TTN: variants seen among roughly 807,000 people sequenced by gnomAD.
The protein encoded by TTN is connectin.
A neutral mutation model predicts 3,223.0 loss-of-function variants in TTN; 1,525 were observed. The observed-to-expected ratio is 0.47, with a 90% CI of 0.45 to 0.49. The LOEUF (loss-of-function observed/expected upper bound fraction) is 0.49. TTN is among the 20% of genes least tolerant of loss of function. The probability of loss-of-function intolerance (pLI) is 0.00; values close to 1 mark genes in which losing one functional copy is unlikely to be tolerated. For synonymous variants in TTN, 14,094 were observed against 15,161.0 expected (o/e 0.93, Z 5.17); for missense variants, 40,786 against 43,424.0 (o/e 0.94, Z 5.40).
intron 326 of TTN, chr2:178,558,953 A>G (rs1702532935): frequency 2.6e-6 from 1 of 387,612 alleles, no homozygotes; most frequent in Non-Finnish European, 4.6e-6. Context: ...TTTATATACA[A>G]TTTCTGTACA....
Position 178,636,721 on chromosome 2 carries a change from G to A in TTN, c.41006C>T (p.Pro13669Leu), listed in dbSNP as rs1164930705. The change falls in exon 225 of 363, where the codon CCT (proline) becomes CTT (leucine). Residue 13669 changes from proline to leucine, a missense_variant. By Grantham distance (98) the Pro-to-Leu change is moderately conservative. Coordinates refer to ENST00000589042, the MANE Select transcript of TTN (RefSeq NM_001267550.2). This position sits in a 1 kb window ranked among gnomAD's most constrained non-coding sequence, Gnocchi z 4.3. Reference protein sequence around the residue: ...LRPGSGGEKPPDEAPFTYQLK... With the variant: ...LRPGSGGEKPLDEAPFTYQLK... ...CTGGTAGGTGAACGGGGCTTCATCA[G>A]GAGGTTTCTCTCCACCACTTCCTGG... 2 of 1,613,016 alleles carry A rather than the reference G, an allele frequency of 1.2e-6. No individual in the cohort carries two copies. Among genetic ancestry groups the A allele is most frequent in the Middle Eastern group, 1.7e-4 (1 of 6,052 alleles).
At chr2:178,697,191 A>G (rs1248324312) in intron 112 of TTN, 23 bp from the exon 113 acceptor site, 2 of 1,498,234 alleles carry the variant, frequency 1.3e-6, no homozygotes, top group Non-Finnish European at 1.8e-6. Context: ...AAACATAAAA[A>G]TGTGTGTTTA....
In TTN at chr2:178,741,185, C is replaced by A. The variant is rs528996964; in HGVS notation, c.12048G>T (p.Met4016Ile). ...SGLYICKAEN[M>I]LGESTCAAEL... ...CTGCTGCACAGGTGGACTCACCCAA[C>A]ATATTCTCTGCTTTACAGATATAGA... is the stretch of plus-strand genomic sequence containing the variant. Residue 4016 changes from methionine (M) to isoleucine (I), a missense_variant, in exon 48 of 363, where the codon ATG becomes ATT. By Grantham distance (10) the Met-to-Ile change is conservative (BLOSUM62 1). Coordinates refer to ENST00000589042, the MANE Select transcript of TTN (RefSeq NM_001267550.2). 3 of 1,613,418 alleles carry A rather than the reference C, an allele frequency of 1.9e-6. No homozygotes were observed. The highest frequency in any genetic ancestry group is 1.3e-5 in the African/African-American group (1 of 75,040).
chr2:178,539,295 C>T (rs1468211080), intron 352 of TTN, 44 bp from the exon 353 acceptor site: 4 of 1,598,534 alleles, frequency 2.5e-6, no homozygotes, highest in Non-Finnish European at 1.7e-6. Context: ...GAATACAGTC[C>T]CAAGTATTAT....
Position 178,785,861 on chromosome 2 carries a change from T to C in TTN, c.2357A>G (p.His786Arg). 6.2e-7 allele frequency: 1 copy of C among 1,614,168 alleles called. No individual in the cohort carries two copies. The highest frequency in any genetic ancestry group is 1.3e-5 in the African/African-American group (1 of 75,056). ...HIKTTDQKGM[H>R]ISSQIKKTTD... Reference sequence around the variant, plus strand: ...GTATAGACTCACCTGTGATGATATGTGCATTCCCTTTTGATCAGTAGTTTT... The same window carrying C: ...GTATAGACTCACCTGTGATGATATGCGCATTCCCTTTTGATCAGTAGTTTT... The change falls in exon 14 of 363, where the codon CAC becomes CGC. Residue 786 changes from histidine to arginine, a missense_variant. Transcript: ENST00000589042.
rs1008257583 is a variant in TTN, at chr2:178,737,881, T to C, written c.14371+201A>G. ...TTCTCAAATAATAAATTATTTTTTCTTTGGTCAGTAGTAGAAATGTGACTG... is the reference window on the plus strand; with the variant it reads ...TTCTCAAATAATAAATTATTTTTTCCTTGGTCAGTAGTAGAAATGTGACTG... On this transcript the variant is annotated intron_variant, in intron 49 of 362. Coordinates refer to ENST00000589042, the MANE Select transcript of TTN (RefSeq NM_001267550.2). 7 of 527,742 alleles carry C rather than the reference T, an allele frequency of 1.3e-5. No homozygotes were observed. The Admixed American group carries it at 1.9e-4, about 14-fold the overall frequency. 32.7% of individuals were successfully genotyped at this position (527,742 alleles called of 1,614,324 possible).
chr2:178,588,356 A>AATGAGAATC, intron 304 of TTN, 137 bp from the exon 305 acceptor site: 1 of 1,170,280 alleles, frequency 8.5e-7, no homozygotes, highest in East Asian at 2.6e-5. Context: ...CCTTCATAAA[A>AATGAGAATC]ATGAGAATCT....
rs1229771826 is a variant in TTN at position 178,620,617 on chromosome 2, G to A, written c.45904C>T (p.Leu15302Phe). ...AANLIVEEED[L>F]RIVEPLKDIE... ...TCTTTAAGAGGCTCAACAATCCTAA[G>A]GTCTTCCTCTGTTGTAAAGGAGAAA... The change falls in exon 248 of 363, where the codon CTT becomes TTT. Residue 15302 changes from leucine to phenylalanine, a missense_variant. Coordinates refer to ENST00000589042, the MANE Select transcript of TTN (RefSeq NM_001267550.2). 2 of 1,605,488 alleles carry A rather than the reference G, an allele frequency of 1.2e-6. No homozygotes were observed. The highest frequency in any genetic ancestry group is 1.7e-6 in the Non-Finnish European group (2 of 1,177,388).
Position 178,566,712 on chromosome 2 carries a change from G to C in TTN, c.79420C>G (p.Pro26474Ala), listed in dbSNP as rs761511285. 18 of 1,613,416 alleles carry C rather than the reference G, an allele frequency of 1.1e-5. No homozygotes were observed. The highest frequency in any genetic ancestry group is 2.7e-5 in the African/African-American group (2 of 75,022). Residue 26474 changes from proline to alanine, a missense_variant, in exon 326 of 363, where the codon CCA becomes GCA. By Grantham distance (27) the Pro-to-Ala change is conservative. Transcript: ENST00000589042. ...ENAAGVGEPS[P>A]ATVYYKACDP... Reference sequence around the variant, plus strand: ...CAGGCTTTATAATAAACTGTAGCTGGACTTGGTTCCCCAACTCCAGCAGCA... The same window carrying C: ...CAGGCTTTATAATAAACTGTAGCTGCACTTGGTTCCCCAACTCCAGCAGCA...
Position 178,553,410 on chromosome 2 carries a change from A to T in TTN, c.89504-14T>A. Reference sequence around the variant, plus strand: ...TCTCTGGTGCCTCTGTAGACATAAAATGGATACATACAGTGAATTTTAAAA... The same window carrying T: ...TCTCTGGTGCCTCTGTAGACATAAATTGGATACATACAGTGAATTTTAAAA... On this transcript the variant is annotated splice_polypyrimidine_tract_variant and intron_variant, in intron 334 of 362. Coordinates refer to ENST00000589042, the MANE Select transcript of TTN (RefSeq NM_001267550.2). 6.3e-7 allele frequency: 1 copy of T among 1,582,414 alleles called. No homozygotes were observed.
At chr2:178,620,186 C>T in intron 248 of TTN, 31 bp downstream of exon 248, 2 of 1,561,030 alleles carry the variant, frequency 1.3e-6, no homozygotes, top group Non-Finnish European at 1.7e-6. Flanking sequence ...TATATAGCTA[C>T]AGAAATAGAG....
Position 178,568,394 on chromosome 2 carries a change from T to A in TTN, c.77738A>T (p.Asn25913Ile). ...VSAESITLSW[N>I]PPLYTGGCQI... ...GCAGCCCCCTGTATATAATGGAGGG[T>A]TCCAAGATAATGTAATACTTTCAGC... Residue 25913 changes from asparagine to isoleucine, a missense_variant, in exon 326 of 363, where the codon AAC (asparagine) becomes ATC (isoleucine). Physicochemically the swap from Asn to Ile is moderately radical, Grantham distance 149. Transcript: ENST00000589042. 1 of 1,613,102 alleles carries A rather than the reference T, an allele frequency of 6.2e-7. No individual in the cohort carries two copies. The highest frequency in any genetic ancestry group is 8.5e-7 in the Non-Finnish European group (1 of 1,179,510).
At chr2:178,666,790 G>A in intron 163 of TTN, 34 bp downstream of exon 163, 1 of 1,505,138 alleles carries the variant, frequency 6.6e-7, no homozygotes, top group South Asian at 1.3e-5. Context: ...CTGCAAACAT[G>A]AGATTAAAAA....
At position 178,539,846 on chromosome 2, in the gene TTN, T is replaced by C. The variant is rs376999335; in HGVS notation, c.98219A>G (p.Lys32740Arg). ...GKPFPICKWT[K>R]EGQDISKRAM... ...ACGCTTACTAATATCCTGGCCTTCC[T>C]TGGTCCATTTACATATTGGGAATGG... The change falls in exon 352 of 363, where the codon AAG (lysine) becomes AGG (arginine). Residue 32740 changes from lysine to arginine, a missense_variant. Lys to Arg is a conservative substitution (Grantham distance 26). Transcript: ENST00000589042. The C allele has an allele frequency of 3.7e-6, 6 of 1,613,750 alleles. No individual in the cohort carries two copies. The highest frequency in any genetic ancestry group is 4.2e-6 in the Non-Finnish European group (5 of 1,179,786).
In TTN at chr2:178,542,385, G is replaced by C. The variant is rs1468597507; in HGVS notation, c.97371C>G (p.Ser32457=). ...WLPVSESVTR[S]TFKFTRLTEG... is the part of the protein sequence containing the mutation. ...CGGTGAGTCTGGTAAACTTAAACGT[G>C]GACCTAGTCACTGATTCAGAAACGG... The change falls in exon 349 of 363, where the codon TCC becomes TCG. Residue 32457 remains serine, a synonymous_variant. Transcript: ENST00000589042. The C allele has an allele frequency of 6.2e-7, 1 of 1,613,576 alleles. No individual in the cohort carries two copies. Among genetic ancestry groups the C allele is most frequent in the Admixed American group, 1.7e-5 (1 of 59,994 alleles).
chr2:178,715,469 C>CA, intron 89 of TTN, 24 bp downstream of exon 89: 2 of 1,587,394 alleles, frequency 1.3e-6, no homozygotes, highest in Non-Finnish European at 1.7e-6. Flanking sequence ...ATGTGAAAAA[C>CA]ACACAGGTGG....
chr2:178,724,464 C>T lies in TTN; in HGVS notation c.20911G>A (p.Val6971Met). The T allele has an allele frequency of 6.2e-7, 1 of 1,613,314 alleles. No homozygotes were observed. The highest frequency in any genetic ancestry group is 1.1e-5 in the South Asian group (1 of 91,038). ...ACAGAGAGTTCCGGAGTGCCAGCCA[C>T]CTTACACTCCAGAGTGCACGTTTCT... ...VGETCTLECK[V>M]AGTPELSVEW... The change falls in exon 72 of 363, where the codon GTG (valine) becomes ATG (methionine). Residue 6971 changes from valine (V) to methionine (M), a missense_variant. By Grantham distance (21) the Val-to-Met change is conservative. Transcript: ENST00000589042.
In TTN at chr2:178,613,809, G is replaced by C; in HGVS notation, c.49474C>G (p.Pro16492Ala). ...CATCTAACCCATTTATCTGTATCAG[G>C]ATCCAGTCTTTCAACCCAGTATCCT... ...ITGYWVERLDPDTDKWVRCNK... is the reference protein window; with the variant it reads ...ITGYWVERLDADTDKWVRCNK... Residue 16492 changes from proline to alanine, a missense_variant, in exon 263 of 363, where the codon CCT becomes GCT. Transcript: ENST00000589042. The C allele has an allele frequency of 1.2e-6, 2 of 1,612,536 alleles. No homozygotes were observed. Among genetic ancestry groups the C allele is most frequent in the Non-Finnish European group, 1.7e-6 (2 of 1,179,074 alleles).
intron 262 of TTN, 39 bp from the exon 263 acceptor site, chr2:178,613,976 G>A (rs756724218): frequency 4.4e-6 from 7 of 1,608,562 alleles, no homozygotes; most frequent in Middle Eastern, 3.3e-4. Context: ...TATATGTCCT[G>A]TATATAAATA....
Sources: allele counts gnomAD v4.1 joint callset, GRCh38; gene constraint gnomAD v4.1.1; non-coding constraint Gnocchi (gnomAD v3.1); transcripts MANE v1.5; gene names NCBI Gene and HGNC (gene_info 2026-07-23, HGNC 2026-07-21).